The following COL18A1 variants were observed in gnomAD, a reference collection of about 807,000 sequenced individuals.
COL18A1 encodes the protein collagen alpha-1(XVIII) chain.
Under a neutral mutation model 168.0 loss-of-function variants are expected in COL18A1, and 133 were observed. The observed-to-expected ratio is 0.79, with a 90% CI of 0.69 to 0.91. COL18A1 has a LOEUF of 0.91. Among genes scored for constraint, COL18A1 ranks in the 40% least tolerant of loss-of-function variants. The pLI, the probability that COL18A1 is intolerant of heterozygous loss-of-function variation, is 0.00. For synonymous variants in COL18A1, 949 were observed against 809.0 expected, an observed-to-expected ratio of 1.17 and a Z score of -2.94; for missense variants, 2,126 against 1,925.4, an observed-to-expected ratio of 1.10 and a Z score of -1.95.
intron 2 of COL18A1, among the ~76,000 whole-genome samples, chr21:45,461,153 G>A (rs1262145288): frequency 6.6e-6 from 1 of 152,060 alleles, no homozygotes; most frequent in Non-Finnish European, 1.5e-5. Flanking sequence ...TAGACCTCTA[G>A]AACTTACTTT....
chr21:45,474,923 G>A (rs563404606), intron 4 of COL18A1, among the ~76,000 whole-genome samples: 15 of 152,290 alleles, frequency 9.8e-5, no homozygotes, highest in South Asian at 8.3e-4. Context: ...TTCACATGGC[G>A]GCCATGACAA....
chr21:45,411,665 G>A (rs1413307885), intron 2 of COL18A1, among the ~76,000 whole-genome samples: 1 of 151,376 alleles, frequency 6.6e-6, no homozygotes, highest in South Asian at 2.1e-4. Flanking sequence ...CAGTCATAGG[G>A]AACAGTGCAC....
chr21:45,462,387 C>T (rs536753893), intron 2 of COL18A1, among the ~76,000 whole-genome samples: 5 of 152,278 alleles, frequency 3.3e-5, no homozygotes, highest in South Asian at 2.1e-4. Context: ...GCAGCTTCCA[C>T]GGCATGCATG....
chr21:45,477,771 G>C lies in COL18A1; in HGVS notation c.1027G>C (p.Gly343Arg). The C allele has an allele frequency of 6.5e-7, 1 of 1,543,602 alleles. No individual in the cohort carries two copies. Among genetic ancestry groups the C allele is most frequent in the African/African-American group, 1.4e-5 (1 of 73,104 alleles). ...CCAGGGCGGCCTGAAGGGGCAGAAA[G>C]GGGAGCCAGGTGTTCCGGGCCCACC... ...VKEGGLKGQKGEPGVPGPPGR... is the reference protein window; with the variant it reads ...VKEGGLKGQKREPGVPGPPGR... The change falls in exon 8 of 42, where the codon GGG becomes CGG. Residue 343 changes from glycine to arginine, a missense_variant. Gly to Arg is a moderately radical substitution (Grantham distance 125, BLOSUM62 -2). Transcript: ENST00000651438.
intron 14 of COL18A1, 23 bp from the exon 15 acceptor site, chr21:45,482,772 T>A (rs1311765165): frequency 6.2e-7 from 1 of 1,614,228 alleles, no homozygotes; most frequent in Non-Finnish European, 8.5e-7. Context: ...GATTTTGTCA[T>A]AATCCTGCTC....
At chr21:45,497,459 C>G in intron 31 of COL18A1, 140 bp from the exon 32 acceptor site, 2 of 1,212,536 alleles carry the variant, frequency 1.6e-6, no homozygotes, top group Non-Finnish European at 2.3e-6. Flanking sequence ...TCCAGCAGCT[C>G]CTACCCTGAC....
chr21:45,455,929 C>G, intron 2 of COL18A1: 1 of 1,613,090 alleles, frequency 6.2e-7, no homozygotes. Flanking sequence ...ACACTGTCCC[C>G]ACTGAGAGCT....
In COL18A1 at chr21:45,438,218, TCA is replaced by T. The variant is rs71825728; in HGVS notation, c.107-30018_107-30017del. Among the ~76,000 whole-genome samples the T allele has an allele frequency of 1.9e-3, 69 of 36,872 alleles. 3 individuals are homozygous for T. Among genetic ancestry groups the T allele is most frequent in the Non-Finnish European group, 2.7e-3 (52 of 19,302 alleles). The allele number at this position is 36,872 out of a possible 152,430, so 24.2% of individuals were successfully genotyped here. A position where few individuals can be genotyped will look rare whatever the true frequency, so the allele number is the denominator to read the frequency against. ...CAGGCACTCTCCTGCACACACACAC[TCA>T]CACACTCAGACACACAGGCACTCTC... On this transcript the variant is annotated intron_variant, in intron 2 of 41. Transcript: ENST00000651438.
At chr21:45,448,739 G>A (rs181723815) in intron 2 of COL18A1, among the ~76,000 whole-genome samples, 2 of 152,240 alleles carry the variant, frequency 1.3e-5, no homozygotes, top group Admixed American at 6.5e-5. Context: ...CTTCAGATGC[G>A]CTCCATAATG....
rs1349915592 is a variant in COL18A1, at chr21:45,468,458, T to C, written c.323T>C (p.Leu108Pro). ...IRPATEGPGV[L>P]FAITDSAQAM... ...CCAGCCACAGAGGGCCCAGGGGTGC[T>C]GTTCGCCATCACGGACTCGGCGCAG... The change falls in exon 3 of 42, where the codon CTG (leucine) becomes CCG (proline). Residue 108 changes from leucine (L) to proline (P), a missense_variant. Leu to Pro is a moderately conservative substitution (Grantham distance 98). Coordinates refer to ENST00000651438, the MANE Select transcript of COL18A1 (RefSeq NM_001379500.1). 6.2e-7 allele frequency: 1 copy of C among 1,614,104 alleles called. No homozygotes were observed. Among genetic ancestry groups the C allele is most frequent in the South Asian group, 1.1e-5 (1 of 91,088 alleles).
chr21:45,496,098 C>CATGCCCTCTATGCCCTCCATGCCCTCT (rs796856699), intron 29 of COL18A1: 2 of 371,028 alleles, frequency 5.4e-6, no homozygotes, highest in Non-Finnish European at 5.1e-6. Flanking sequence ...CTATGCCCTC[C>CATGCCCTCTATGCCCTCCATGCCCTCT]ATGCCCTCCA....
In COL18A1 at chr21:45,491,321, A is replaced by G; in HGVS notation, c.2157+7A>G. The G allele has an allele frequency of 6.2e-7, 1 of 1,606,532 alleles. No individual in the cohort carries two copies. The highest frequency in any genetic ancestry group is 8.5e-7 in the Non-Finnish European group (1 of 1,175,142). On this transcript the variant is annotated splice_region_variant and intron_variant, in intron 22 of 41. Transcript: ENST00000651438. Reference sequence around the variant, plus strand: ...CTACGTGTCGGAGCAGGACGTAAGGACGCTGCGTGGGTGGGCACCCAATCT... The same window carrying G: ...CTACGTGTCGGAGCAGGACGTAAGGGCGCTGCGTGGGTGGGCACCCAATCT...
chr21:45,411,957 G>A (rs1369419997), intron 2 of COL18A1, among the ~76,000 whole-genome samples: 1 of 152,178 alleles, frequency 6.6e-6, no homozygotes, highest in Non-Finnish European at 1.5e-5. Flanking sequence ...CCATTGCCAT[G>A]CGGGCAAACA....
intron 2 of COL18A1, chr21:45,456,931 G>C (rs2034850350): frequency 7.4e-7 from 1 of 1,352,078 alleles, no homozygotes; most frequent in East Asian, 2.8e-5. Context: ...GCCTTGCCAG[G>C]TAAGTGTGGG....
intron 13 of COL18A1, among the ~76,000 whole-genome samples, chr21:45,481,371 C>T (rs3818656): frequency 0.31 from 47,547 of 151,904 alleles, 7,528 homozygotes; most frequent in African/African-American, 0.39. Context: ...CAGGTCATGA[C>T]TGGCAGCAGG....
intron 2 of COL18A1, among the ~76,000 whole-genome samples, chr21:45,450,079 C>T (rs1009670411): frequency 2.0e-5 from 3 of 152,080 alleles, no homozygotes; most frequent in African/African-American, 4.8e-5. Context: ...TGCCTGGGGG[C>T]GTGCCCATGG....
chr21:45,452,120 A>C lies in COL18A1; in HGVS notation c.107-16122A>C, dbSNP rs528024546. On this transcript the variant is annotated intron_variant, in intron 2 of 41. Transcript: ENST00000651438. The stretch of plus-strand genomic sequence containing the variant: ...AGGCCATGCCGAAACCCTGGTCCGC[A>C]CTGCTCATGGTGCCATCTGGGCACC... Among the ~76,000 whole-genome samples the C allele has an allele frequency of 2.0e-5, 3 of 152,324 alleles. No homozygotes were observed. In the East Asian group the frequency reaches 5.8e-4, roughly 29 times the overall value.
At chr21:45,442,863 G>A (rs2034410528) in intron 2 of COL18A1, among the ~76,000 whole-genome samples, 1 of 145,044 alleles carries the variant, frequency 6.9e-6, no homozygotes. Context: ...AGGTCCTGGT[G>A]TGGGCGGTGG....
intron 2 of COL18A1, among the ~76,000 whole-genome samples, chr21:45,439,759 C>T (rs894574992): frequency 1.4e-5 from 2 of 147,166 alleles, no homozygotes; most frequent in African/African-American, 4.9e-5. Context: ...GGAAGTGCAG[C>T]TCGTCCTGGC....
Sources: allele counts gnomAD v4.1 joint callset (sites outside exome capture counted in the v4.1 genomes callset), GRCh38; gene constraint gnomAD v4.1.1; transcripts MANE v1.5; gene names NCBI Gene and HGNC (gene_info 2026-07-23, HGNC 2026-07-21).